NOXRED1: variants seen among roughly 807,000 people sequenced by gnomAD.
The protein encoded by NOXRED1 is NADP-dependent oxidoreductase domain-containing protein 1.
NOXRED1 carries 20 observed loss-of-function variants against 30.4 expected under a neutral mutation model. The observed-to-expected ratio is 0.66, with a 90% CI of 0.46 to 0.96. The LOEUF is 0.96. Ranked by LOEUF, NOXRED1 falls within the 40% of genes least tolerant of loss-of-function variation. The pLI, the probability that NOXRED1 is intolerant of heterozygous loss-of-function variation, is 0.00. For missense variants in NOXRED1, 374 were observed against 428.0 expected (o/e 0.87, Z 1.11); for synonymous variants, 155 against 168.0 (o/e 0.92, Z 0.60).
At chr14:77,401,773 A>G (rs1374471063) in intron 5 of NOXRED1, among the ~76,000 whole-genome samples, 1 of 152,332 alleles carries the variant, frequency 6.6e-6, no homozygotes, top group Admixed American at 6.5e-5. Flanking sequence ...GAGGAGTAAC[A>G]CTACCCAACT....
At chr14:77,398,875 A>C (rs182725262) in intron 5 of NOXRED1, among the ~76,000 whole-genome samples, 258 of 152,184 alleles carry the variant, frequency 1.7e-3, no homozygotes, top group African/African-American at 5.9e-3. Context: ...AGGCTGAGGC[A>C]GGAGAATCGT....
intron 1 of NOXRED1, among the ~76,000 whole-genome samples, chr14:77,415,481 A>T (rs1315710800): frequency 1.3e-5 from 2 of 151,994 alleles, no homozygotes; most frequent in Non-Finnish European, 2.9e-5. Context: ...GAGGCAGGAG[A>T]ATCTCTTGAA....
intron 1 of NOXRED1, among the ~76,000 whole-genome samples, chr14:77,417,708 G>C (rs1172206206): frequency 6.7e-6 from 1 of 148,560 alleles, no homozygotes; most frequent in Non-Finnish European, 1.5e-5. Context: ...GTTGGATCTT[G>C]TTTTTGTTTT....
chr14:77,407,926 A>C (rs985914308), intron 2 of NOXRED1, among the ~76,000 whole-genome samples: 4 of 143,916 alleles, frequency 2.8e-5, no homozygotes, highest in African/African-American at 1.0e-4. Context: ...GCAGTACACT[A>C]GCGTAATCTC....
At chr14:77,406,931 A>T (rs1237672899) in intron 3 of NOXRED1, 56 bp from the exon 4 acceptor site, 2 of 1,512,524 alleles carry the variant, frequency 1.3e-6, no homozygotes, top group African/African-American at 2.8e-5. Flanking sequence ...AAATGACGAC[A>T]TAACCCACTG....
chr14:77,412,085 A>G (rs1894673847), intron 2 of NOXRED1, among the ~76,000 whole-genome samples: 1 of 145,800 alleles, frequency 6.9e-6, no homozygotes, highest in Non-Finnish European at 1.5e-5. Flanking sequence ...CCTAGGTGAC[A>G]GAGCAAGACT....
At chr14:77,402,979 G>A (rs1894367692) in intron 5 of NOXRED1, among the ~76,000 whole-genome samples, 1 of 151,342 alleles carries the variant, frequency 6.6e-6, no homozygotes, top group South Asian at 2.1e-4. Context: ...AGATCGCAGT[G>A]AGCCGAGATC....
chr14:77,418,589 A>G (rs1894898110), intron 1 of NOXRED1, among the ~76,000 whole-genome samples: 1 of 152,026 alleles, frequency 6.6e-6, no homozygotes. Flanking sequence ...GAGTGCAGTG[A>G]CATGATCATT....
Position 77,423,153 on chromosome 14 carries a change from T to C in NOXRED1, c.-264A>G, listed in dbSNP as rs1895046447. 2.6e-6 allele frequency: 1 copy of C among 383,110 alleles called. No homozygotes were observed. Among genetic ancestry groups the C allele is most frequent in the African/African-American group, 2.1e-5 (1 of 47,708 alleles). 23.7% of individuals were successfully genotyped at this position (383,110 alleles called of 1,614,324 possible). ...GAATCCTGGACTCATGAAAAACCTG[T>C]ACAGAAACCCAAAGTATTGTTTCTC... On this transcript the variant is annotated 5_prime_UTR_variant, in exon 1 of 6. Coordinates refer to ENST00000380835, the MANE Select transcript of NOXRED1 (RefSeq NM_001113475.3).
chr14:77,414,228 T>C (rs1410637706), intron 1 of NOXRED1, 101 bp from the exon 2 acceptor site: 8 of 728,396 alleles, frequency 1.1e-5, no homozygotes, highest in Non-Finnish European at 1.7e-5. Context: ...GTCGCCCAGG[T>C]TAGAGTGCAA....
intron 2 of NOXRED1, among the ~76,000 whole-genome samples, chr14:77,409,596 C>A (rs191735883): frequency 1.3e-5 from 2 of 152,148 alleles, no homozygotes; most frequent in Non-Finnish European, 2.9e-5. Flanking sequence ...ACAGGCCTAT[C>A]TATCATTCTC....
intron 1 of NOXRED1, among the ~76,000 whole-genome samples, chr14:77,422,347 C>G (rs1250763657): frequency 6.6e-6 from 1 of 152,168 alleles, no homozygotes; most frequent in Admixed American, 6.5e-5. Context: ...AGGGAGCATT[C>G]CACTATTACC....
chr14:77,406,217 G>T, intron 4 of NOXRED1, 82 bp from the exon 5 acceptor site: 1 of 892,066 alleles, frequency 1.1e-6, no homozygotes, highest in Non-Finnish European at 1.8e-6. Flanking sequence ...CCCTGACAGT[G>T]AATAGCCGCC....
Position 77,400,851 on chromosome 14 carries a change from ATACT to A in NOXRED1, c.905+5058_905+5061del, listed in dbSNP as rs550704009. On this transcript the variant is annotated intron_variant, in intron 5 of 5. Coordinates refer to ENST00000380835, the MANE Select transcript of NOXRED1 (RefSeq NM_001113475.3). ...TTTATATTAGAACCCCCAAAATGAA[ATACT>A]TAGGTATAAATCAAATGAAATATGT... is the stretch of plus-strand genomic sequence containing the variant. Among the ~76,000 whole-genome samples the A allele has an allele frequency of 8.5e-5, 13 of 152,356 alleles. No homozygotes were observed. The East Asian group carries it at 2.5e-3, about 29-fold the overall frequency.
chr14:77,415,130 C>T (rs1327446820), intron 1 of NOXRED1, among the ~76,000 whole-genome samples: 4 of 151,918 alleles, frequency 2.6e-5, no homozygotes, highest in Admixed American at 6.6e-5. Context: ...GAGCTGTGCT[C>T]GTGCCACTGT....
At chr14:77,415,617 G>A (rs1412905758) in intron 1 of NOXRED1, among the ~76,000 whole-genome samples, 1 of 147,738 alleles carries the variant, frequency 6.8e-6, no homozygotes, top group African/African-American at 2.5e-5. Context: ...TAGATAGATA[G>A]ATAGATAGAT....
chr14:77,398,964 G>A (rs1380380249), intron 5 of NOXRED1, among the ~76,000 whole-genome samples: 3 of 151,710 alleles, frequency 2.0e-5, no homozygotes, highest in Admixed American at 6.6e-5. Context: ...GCAAGACTCC[G>A]TCTCAAAAAC....
intron 1 of NOXRED1, among the ~76,000 whole-genome samples, chr14:77,419,245 G>T (rs1894919042): frequency 1.3e-5 from 2 of 149,910 alleles, no homozygotes; most frequent in South Asian, 4.2e-4. Context: ...GCTAATTTTT[G>T]TATTTTTAGT....
At chr14:77,424,375 A>C (rs1895073776), upstream of NOXRED1, among the ~76,000 whole-genome samples, 1 of 152,190 alleles carries the variant, frequency 6.6e-6, no homozygotes, top group Non-Finnish European at 1.5e-5. Flanking sequence ...AGGCAGGAGA[A>C]TTGCTTGAAC....
Sources: gnomAD v4.1 joint callset for allele counts (sites outside exome capture counted in the v4.1 genomes callset) on GRCh38, gnomAD v4.1.1 for gene constraint, MANE v1.5 for transcripts, NCBI Gene and HGNC (gene_info 2026-07-23, HGNC 2026-07-21) for gene names.